INPP5D: variants seen among roughly 807,000 people sequenced by gnomAD.
The protein encoded by INPP5D is phosphatidylinositol 3,4,5-trisphosphate 5-phosphatase 1.
A neutral mutation model predicts 122.9 loss-of-function variants in INPP5D; 33 were observed. That is an observed-to-expected ratio of 0.27 (90% CI 0.20 to 0.36). INPP5D has a LOEUF of 0.36. Among genes scored for constraint, INPP5D ranks in the 10% least tolerant of loss-of-function variants. The pLI is 1.00. For synonymous variants in INPP5D, 584 were observed against 576.2 expected, an observed-to-expected ratio of 1.01 and a Z score of -0.19; for missense variants, 1,053 against 1,412.7, an observed-to-expected ratio of 0.75 and a Z score of 4.08.
At chr2:233,132,051 G>A (rs894728259) in intron 5 of INPP5D, among the ~76,000 whole-genome samples, 7 of 152,368 alleles carry the variant, frequency 4.6e-5, no homozygotes, top group Non-Finnish European at 1.0e-4. Flanking sequence ...TAATGCAGCT[G>A]TAGCTAATTG....
At chr2:233,066,214 G>A (rs1346045299) in intron 1 of INPP5D, among the ~76,000 whole-genome samples, 9 of 152,020 alleles carry the variant, frequency 5.9e-5, no homozygotes, top group Admixed American at 5.9e-4. Context: ...TTGGCCTCCC[G>A]AAGTGCTGGC....
At chr2:233,118,879 G>A (rs569318255) in intron 2 of INPP5D, among the ~76,000 whole-genome samples, 1 of 152,322 alleles carries the variant, frequency 6.6e-6, no homozygotes, top group East Asian at 1.9e-4. Flanking sequence ...TCCCTTCCTG[G>A]GAACCCGGGC....
At position 233,105,554 on chromosome 2, in the gene INPP5D, C is replaced by A. The variant is rs1692443867; in HGVS notation, c.199-16553C>A. On this transcript the variant is annotated intron_variant, in intron 2 of 26. Coordinates refer to ENST00000445964, the MANE Select transcript of INPP5D (RefSeq NM_001017915.3). The surrounding 1 kb of genome is among the most constrained non-coding windows in gnomAD (Gnocchi z 4.0). ...TTCTGTGTCTTGCTCCTTTGCTGGACTGTGGGCAGGGCCTGGGTCTGTGTT... is the reference window on the plus strand; with the variant it reads ...TTCTGTGTCTTGCTCCTTTGCTGGAATGTGGGCAGGGCCTGGGTCTGTGTT... Among the ~76,000 whole-genome samples the A allele has an allele frequency of 6.6e-6, 1 of 152,166 alleles. No homozygotes were observed. Among genetic ancestry groups the A allele is most frequent in the South Asian group, 2.1e-4 (1 of 4,830 alleles).
chr2:233,184,218 C>T (rs1028674301), intron 19 of INPP5D, among the ~76,000 whole-genome samples, 190 bp from the exon 20 acceptor site: 4 of 152,166 alleles, frequency 2.6e-5, no homozygotes, highest in Non-Finnish European at 5.9e-5. Flanking sequence ...GGCCAGCTCA[C>T]GATGCATCAG....
chr2:233,145,207 A>C (rs938028094), intron 6 of INPP5D: 1 of 456,076 alleles, frequency 2.2e-6, no homozygotes, highest in African/African-American at 2.0e-5. Context: ...GAATAAGTGC[A>C]TGAGACCATG....
intron 2 of INPP5D, among the ~76,000 whole-genome samples, chr2:233,098,977 A>C (rs558915880): frequency 1.1e-4 from 5 of 45,444 alleles, no homozygotes; most frequent in Non-Finnish European, 2.8e-4. Flanking sequence ...TTTGAGACAG[A>C]GTCTCACTCT....
chr2:233,070,834 T>G (rs908367640), intron 1 of INPP5D, among the ~76,000 whole-genome samples: 1 of 152,324 alleles, frequency 6.6e-6, no homozygotes, highest in East Asian at 1.9e-4. Flanking sequence ...GTGGGGCAGA[T>G]TGGATGGAAA....
At position 233,082,603 on chromosome 2, in the gene INPP5D, T is replaced by G. The variant is rs551962629; in HGVS notation, c.198+3205T>G. On this transcript the variant is annotated intron_variant, in intron 2 of 26. Transcript: ENST00000445964. The surrounding 1 kb of genome is among the most constrained non-coding windows in gnomAD (Gnocchi z 4.7). ...TGTTCTCTTGTCAACACCAAAGATC[T>G]CATCTTTGTTCTTTGCAGACCAACT... is the stretch of plus-strand genomic sequence containing the variant. Among the ~76,000 whole-genome samples the G allele has an allele frequency of 6.6e-6, 1 of 152,318 alleles. No individual in the cohort carries two copies. The highest frequency in any genetic ancestry group is 1.9e-4 in the East Asian group (1 of 5,180).
In INPP5D at chr2:233,068,785, C is replaced by T. The variant is rs1406632976; in HGVS notation, c.134+8173C>T. Reference sequence around the variant, plus strand: ...GATGCTGAGTTGTCACTTGAGGCCTCCTTGGAGGAAGCACTCAGAGAGATG... The same window carrying T: ...GATGCTGAGTTGTCACTTGAGGCCTTCTTGGAGGAAGCACTCAGAGAGATG... On this transcript the variant is annotated intron_variant, in intron 1 of 26. Coordinates refer to ENST00000445964, the MANE Select transcript of INPP5D (RefSeq NM_001017915.3). Among the ~76,000 whole-genome samples, 4 of 152,090 alleles carry T rather than the reference C, an allele frequency of 2.6e-5. No individual in the cohort carries two copies. In the East Asian group the frequency reaches 5.8e-4, roughly 22 times the overall value.
intron 1 of INPP5D, among the ~76,000 whole-genome samples, chr2:233,077,193 G>C (rs1412670624): frequency 6.6e-6 from 1 of 152,116 alleles, no homozygotes; most frequent in Non-Finnish European, 1.5e-5. Context: ...CATCTAAAAA[G>C]ATATGCATAT....
At chr2:233,198,027 C>T in intron 24 of INPP5D, 68 bp from the exon 25 acceptor site, 2 of 1,463,290 alleles carry the variant, frequency 1.4e-6, no homozygotes, top group African/African-American at 1.4e-5. Flanking sequence ...AGGACACTTT[C>T]CTTGGGCTGG....
At chr2:233,200,227 C>T (rs144381735) in intron 25 of INPP5D, among the ~76,000 whole-genome samples, 59 of 152,360 alleles carry the variant, frequency 3.9e-4, no homozygotes, top group African/African-American at 1.3e-3. Context: ...AAGGCACAGA[C>T]GCTCTCTGGT....
chr2:233,193,994 C>T (rs748360145), intron 23 of INPP5D, 33 bp downstream of exon 23: 2 of 1,545,650 alleles, frequency 1.3e-6, no homozygotes, highest in Non-Finnish European at 1.7e-6. Context: ...GCGCCCTCTT[C>T]AGCCCCCCAC....
intron 2 of INPP5D, among the ~76,000 whole-genome samples, chr2:233,089,327 T>C (rs971743506): frequency 6.6e-6 from 1 of 152,240 alleles, no homozygotes; most frequent in African/African-American, 2.4e-5. Context: ...TTTACTACTA[T>C]TGTTGCTATG....
At chr2:233,142,479 G>A (rs943157871) in intron 6 of INPP5D, among the ~76,000 whole-genome samples, 13 of 152,240 alleles carry the variant, frequency 8.5e-5, no homozygotes, top group African/African-American at 2.9e-4. Flanking sequence ...TGCGTGAGAC[G>A]TCTGACCCTG....
At chr2:233,071,757 C>G (rs1484422410) in intron 1 of INPP5D, among the ~76,000 whole-genome samples, 1 of 152,180 alleles carries the variant, frequency 6.6e-6, no homozygotes, top group Non-Finnish European at 1.5e-5. Flanking sequence ...ATCTTATACT[C>G]TTATTACTAT....
intron 2 of INPP5D, among the ~76,000 whole-genome samples, chr2:233,111,353 C>A (rs1398852370): frequency 6.6e-6 from 1 of 151,688 alleles, no homozygotes; most frequent in East Asian, 1.9e-4. Context: ...AACTTTTATA[C>A]ACACACACAC....
At chr2:233,060,769 A>G (rs1227935555) in intron 1 of INPP5D, among the ~76,000 whole-genome samples, 157 bp downstream of exon 1, 2 of 152,178 alleles carry the variant, frequency 1.3e-5, no homozygotes, top group Admixed American at 6.5e-5. Flanking sequence ...TGGAGTTCAG[A>G]GAGCTGGTCT....
intron 14 of INPP5D, 78 bp from the exon 15 acceptor site, chr2:233,169,948 T>C: frequency 6.2e-7 from 1 of 1,603,132 alleles, no homozygotes; most frequent in Non-Finnish European, 8.5e-7. Context: ...CCCACACCTA[T>C]GGCAGGAGTG....
Sources: allele counts gnomAD v4.1 joint callset (sites outside exome capture counted in the v4.1 genomes callset), GRCh38; gene constraint gnomAD v4.1.1; non-coding constraint Gnocchi (gnomAD v3.1); transcripts MANE v1.5; gene names NCBI Gene and HGNC (gene_info 2026-07-23, HGNC 2026-07-21).